The following CDH12 variants were observed in gnomAD, a reference collection of about 807,000 sequenced individuals.
CDH12 encodes the protein cadherin-12.
A neutral mutation model predicts 74.1 loss-of-function variants in CDH12; 41 were observed. The ratio of observed to expected loss-of-function variants is 0.55; its 90% confidence interval spans 0.43 to 0.72. CDH12 has a LOEUF of 0.72. Ranked by LOEUF, CDH12 falls within the 30% of genes least tolerant of loss-of-function variation. CDH12 has a pLI of 0.00. For missense variants in CDH12, 945 were observed against 977.2 expected (o/e 0.97, Z 0.44); for synonymous variants, 399 against 355.0 (o/e 1.12, Z -1.39).
chr5:22,494,412 G>A (rs1747017658), intron 2 of CDH12, among the ~76,000 whole-genome samples: 2 of 152,182 alleles, frequency 1.3e-5, no homozygotes, highest in Admixed American at 1.3e-4. Context: ...CTGCGGGCAG[G>A]CTCCGGCTAT....
chr5:22,487,543 T>C (rs1561441202), intron 2 of CDH12, among the ~76,000 whole-genome samples: 1 of 152,064 alleles, frequency 6.6e-6, no homozygotes, highest in Admixed American at 6.6e-5. Context: ...AGGATATACA[T>C]ACATTAAATG....
At chr5:22,299,112 A>C (rs1395751349) in intron 3 of CDH12, among the ~76,000 whole-genome samples, 1 of 152,192 alleles carries the variant, frequency 6.6e-6, no homozygotes, top group Non-Finnish European at 1.5e-5. Flanking sequence ...GAGAAACGGA[A>C]CCATACCTAT....
intron 2 of CDH12, among the ~76,000 whole-genome samples, chr5:22,461,692 T>G (rs545364954): frequency 6.6e-6 from 1 of 152,052 alleles, no homozygotes; most frequent in Admixed American, 6.5e-5. Context: ...GTCCATATTT[T>G]ACTTCATTTA....
intron 4 of CDH12, among the ~76,000 whole-genome samples, chr5:22,171,461 A>G (rs547966884): frequency 6.6e-6 from 1 of 152,038 alleles, no homozygotes; most frequent in South Asian, 2.1e-4. Context: ...ATTGACTTAA[A>G]ATATACATTC....
intron 3 of CDH12, among the ~76,000 whole-genome samples, chr5:22,355,240 T>C (rs545921706): frequency 1.3e-5 from 2 of 152,240 alleles, no homozygotes; most frequent in South Asian, 4.1e-4. Context: ...TTTTCATGAC[T>C]AATTTACTGC....
At chr5:22,398,531 C>G (rs1472882840) in intron 3 of CDH12, among the ~76,000 whole-genome samples, 2 of 152,008 alleles carry the variant, frequency 1.3e-5, no homozygotes, top group African/African-American at 4.8e-5. Flanking sequence ...CCCTGGATTT[C>G]TTGGTGATTT....
At chr5:22,389,284 C>A (rs1187515438) in intron 3 of CDH12, among the ~76,000 whole-genome samples, 1 of 152,080 alleles carries the variant, frequency 6.6e-6, no homozygotes, top group Non-Finnish European at 1.5e-5. Flanking sequence ...ACAATACCAC[C>A]TTTTCTTCAT....
chr5:22,528,974 A>G (rs975164569), intron 1 of CDH12, among the ~76,000 whole-genome samples: 2 of 115,838 alleles, frequency 1.7e-5, no homozygotes, highest in South Asian at 2.6e-4. Context: ...ATCAAAATCT[A>G]TATTAGGCAG....
At chr5:21,898,657 G>A (rs971977860) in intron 6 of CDH12, among the ~76,000 whole-genome samples, 3 of 151,920 alleles carry the variant, frequency 2.0e-5, no homozygotes, top group African/African-American at 4.8e-5. Context: ...AGCTGAGATC[G>A]CGCCACTGCT....
intron 2 of CDH12, among the ~76,000 whole-genome samples, chr5:22,410,370 T>A (rs1596484): frequency 0.33 from 50,789 of 152,012 alleles, 10,097 homozygotes; most frequent in Admixed American, 0.46. Flanking sequence ...CTTGTTTGAC[T>A]GTAGGTCATA....
intron 3 of CDH12, among the ~76,000 whole-genome samples, chr5:22,262,209 C>A (rs1358657893): frequency 6.6e-6 from 1 of 151,316 alleles, no homozygotes; most frequent in Non-Finnish European, 1.5e-5. Context: ...TACTGGTGCA[C>A]TGCACCCACT....
intron 4 of CDH12, among the ~76,000 whole-genome samples, chr5:22,150,659 G>A (rs989907208): frequency 6.6e-6 from 1 of 152,068 alleles, no homozygotes; most frequent in Admixed American, 6.6e-5. Context: ...CCTAGATCTG[G>A]GGTGGCCAAA....
chr5:22,705,417 C>T (rs1742952236), intron 1 of CDH12, among the ~76,000 whole-genome samples: 2 of 151,044 alleles, frequency 1.3e-5, no homozygotes, highest in South Asian at 2.1e-4. Context: ...GTAATGCAAA[C>T]TGTCTAGTTT....
intron 3 of CDH12, among the ~76,000 whole-genome samples, chr5:22,359,642 A>G (rs967714611): frequency 1.3e-5 from 2 of 152,220 alleles, no homozygotes; most frequent in Non-Finnish European, 2.9e-5. Context: ...TCTCAGCACC[A>G]CATTGCACTT....
intron 1 of CDH12, among the ~76,000 whole-genome samples, chr5:22,838,524 T>C (rs1652302590): frequency 6.6e-6 from 1 of 152,110 alleles, no homozygotes; most frequent in African/African-American, 2.4e-5. Flanking sequence ...GCATAACTAA[T>C]AAAACTGATT....
At chr5:22,026,431 T>G (rs2150167264) in intron 5 of CDH12, among the ~76,000 whole-genome samples, 1 of 152,292 alleles carries the variant, frequency 6.6e-6, no homozygotes, top group South Asian at 2.1e-4. Context: ...GTTATGCCTC[T>G]ATTCCCATAA....
At chr5:21,784,646 G>C (rs1746100194) in intron 10 of CDH12, among the ~76,000 whole-genome samples, 1 of 152,120 alleles carries the variant, frequency 6.6e-6, no homozygotes, top group African/African-American at 2.4e-5. Flanking sequence ...ACCAAAGAGA[G>C]ATCATTTCAA....
intron 1 of CDH12, among the ~76,000 whole-genome samples, chr5:22,611,636 T>C (rs185763082): frequency 7.6e-4 from 115 of 152,170 alleles, no homozygotes; most frequent in African/African-American, 2.7e-3. Flanking sequence ...CATATAGAGA[T>C]GGTGCTATTT....
At chr5:21,932,446 A>T (rs1754884161) in intron 6 of CDH12, among the ~76,000 whole-genome samples, 1 of 152,226 alleles carries the variant, frequency 6.6e-6, no homozygotes, top group African/African-American at 2.4e-5. Flanking sequence ...TAATCACTAC[A>T]TTCTTTTGGA....
Sources: gnomAD v4.1 joint callset for allele counts (sites outside exome capture counted in the v4.1 genomes callset) on GRCh38, gnomAD v4.1.1 for gene constraint, MANE v1.5 for transcripts, NCBI Gene and HGNC (gene_info 2026-07-23, HGNC 2026-07-21) for gene names.